VEGFC: variants seen among roughly 807,000 people sequenced by gnomAD.
VEGFC encodes FLT4 ligand DHM.
Under a neutral mutation model 46.1 loss-of-function variants are expected in VEGFC, and 12 were observed. The ratio of observed to expected loss-of-function variants is 0.26; its 90% CI spans 0.17 to 0.42. The LOEUF (loss-of-function observed/expected upper bound fraction) is 0.42, where lower values mean the gene tolerates loss of function less well. Among genes scored for constraint, VEGFC ranks in the 10% least tolerant of loss-of-function variants. The pLI, the probability that VEGFC is intolerant of heterozygous loss-of-function variation, is 1.00. For missense variants in VEGFC, 488 were observed against 529.4 expected, an observed-to-expected ratio of 0.92 and a Z score of 0.77; for synonymous variants, 232 against 195.5, an observed-to-expected ratio of 1.19 and a Z score of -1.56.
chr4:176,717,729 A>C (rs1579103480), intron 3 of VEGFC, among the ~76,000 whole-genome samples: 1 of 152,196 alleles, frequency 6.6e-6, no homozygotes, highest in South Asian at 2.1e-4. Context: ...AATATTCCAA[A>C]CTTTAGTCCA....
At chr4:176,791,228 A>G (rs1416374328) in intron 1 of VEGFC, among the ~76,000 whole-genome samples, 5 of 152,180 alleles carry the variant, frequency 3.3e-5, no homozygotes, top group Admixed American at 1.3e-4. Context: ...AGTTCCAGCA[A>G]GGGGTACTGC....
chr4:176,753,536 T>C (rs182775811), intron 1 of VEGFC, among the ~76,000 whole-genome samples: 166 of 152,178 alleles, frequency 1.1e-3, no homozygotes, highest in African/African-American at 3.9e-3. Context: ...AGATAGAATA[T>C]TATTTTACCA....
chr4:176,692,505 A>G (rs1440607770), intron 4 of VEGFC, among the ~76,000 whole-genome samples: 1 of 134,676 alleles, frequency 7.4e-6, no homozygotes, highest in Non-Finnish European at 1.5e-5. Flanking sequence ...GATTGCTAGC[A>G]CAGCAGTCTG....
intron 1 of VEGFC, among the ~76,000 whole-genome samples, chr4:176,778,906 T>C (rs908149817): frequency 2.0e-5 from 3 of 152,156 alleles, no homozygotes; most frequent in Non-Finnish European, 4.4e-5. Context: ...ATAAATCAGT[T>C]TGACAAAATT....
chr4:176,688,480 C>T lies in VEGFC; in HGVS notation c.705-553G>A, dbSNP rs549807864. On this transcript the variant is annotated intron_variant, in intron 4 of 6. Transcript: ENST00000618562. ...CTGACTTATTTCTGAAGCACAGATC[C>T]CCATCTTGTAAAGCCTCCAGAAATG... Among the ~76,000 whole-genome samples, 119 of 152,142 alleles carry T rather than the reference C, an allele frequency of 7.8e-4. 3 individuals carry two copies. The highest frequency in any genetic ancestry group is 1.9e-4 in the Non-Finnish European group (13 of 68,000).
At chr4:176,740,377 G>T (rs1282983335) in intron 1 of VEGFC, among the ~76,000 whole-genome samples, 3 of 113,028 alleles carry the variant, frequency 2.7e-5, no homozygotes, top group Admixed American at 2.1e-4. Flanking sequence ...TCTATATATA[G>T]TTATATATAA....
intron 3 of VEGFC, among the ~76,000 whole-genome samples, chr4:176,722,121 CAATAG>C (rs1194898280): frequency 6.6e-6 from 1 of 150,876 alleles, no homozygotes; most frequent in Non-Finnish European, 1.5e-5. Flanking sequence ...TATAGCCCAC[CAATAG>C]GATAGAAAAA....
chr4:176,709,152 A>G (rs1291992532), intron 4 of VEGFC, among the ~76,000 whole-genome samples: 1 of 152,166 alleles, frequency 6.6e-6, no homozygotes, highest in East Asian at 1.9e-4. Flanking sequence ...ACATCCAGGA[A>G]ATGAGTCATT....
chr4:176,715,798 G>A (rs531342085), intron 3 of VEGFC, among the ~76,000 whole-genome samples: 10 of 152,206 alleles, frequency 6.6e-5, no homozygotes, highest in South Asian at 4.1e-4. Context: ...AATTAGAAGT[G>A]CATTATAAAC....
At chr4:176,716,113 T>C (rs145456751) in intron 3 of VEGFC, among the ~76,000 whole-genome samples, 185 of 152,286 alleles carry the variant, frequency 1.2e-3, no homozygotes, top group Middle Eastern at 6.8e-3. Flanking sequence ...AGCCAAGATT[T>C]AGTTAAATTT....
rs537675204 is a variant in VEGFC at position 176,743,352 on chromosome 4, C to A, written c.148-13606G>T. Among the ~76,000 whole-genome samples, 25 of 151,714 alleles carry A rather than the reference C, an allele frequency of 1.6e-4. No individual in the cohort carries two copies. The East Asian group carries it at 4.9e-3, about 30-fold the overall frequency. ...AGTGTGTATGGAGGTATTTGATATG[C>A]CCTGTTAATTAATAAAAACTGAAAT... On this transcript the variant is annotated intron_variant, in intron 1 of 6. Coordinates refer to ENST00000618562, the MANE Select transcript of VEGFC (RefSeq NM_005429.5).
At chr4:176,757,580 T>TA (rs1251466057) in intron 1 of VEGFC, among the ~76,000 whole-genome samples, 2 of 129,010 alleles carry the variant, frequency 1.6e-5, no homozygotes, top group Non-Finnish European at 3.3e-5. Context: ...TTACCAGGGC[T>TA]AAAAAACTTT....
chr4:176,759,394 T>C (rs1560957803), intron 1 of VEGFC, among the ~76,000 whole-genome samples: 1 of 152,130 alleles, frequency 6.6e-6, no homozygotes, highest in East Asian at 1.9e-4. Context: ...ATGATCACGC[T>C]TAAATGTAGA....
intron 1 of VEGFC, among the ~76,000 whole-genome samples, chr4:176,734,455 A>G (rs1021254883): frequency 6.6e-6 from 1 of 151,880 alleles, no homozygotes; most frequent in Non-Finnish European, 1.5e-5. Context: ...ACAAGTGCTC[A>G]GCAAACAGAC....
chr4:176,687,630 T>G (rs529422273), intron 5 of VEGFC, 110 bp from the exon 6 acceptor site: 11 of 1,163,050 alleles, frequency 9.5e-6, no homozygotes, highest in Non-Finnish European at 1.2e-5. Flanking sequence ...ATCAAAGGAT[T>G]GGGTACAAAC....
intron 2 of VEGFC, among the ~76,000 whole-genome samples, chr4:176,729,331 T>C (rs1188811351): frequency 6.6e-6 from 1 of 152,222 alleles, no homozygotes; most frequent in African/African-American, 2.4e-5. Flanking sequence ...TGGACCTATC[T>C]ATCCTGTATT....
chr4:176,720,633 G>C (rs1347719492), intron 3 of VEGFC, among the ~76,000 whole-genome samples: 1 of 151,874 alleles, frequency 6.6e-6, no homozygotes, highest in Non-Finnish European at 1.5e-5. Context: ...GAGGTCAGGA[G>C]TTTCTAGACC....
intron 2 of VEGFC, 108 bp downstream of exon 2, chr4:176,729,425 C>G (rs1251604074): frequency 5.8e-6 from 5 of 859,636 alleles, no homozygotes; most frequent in African/African-American, 1.7e-5. Flanking sequence ...TGCTTTCCGC[C>G]CTAAAGGTGT....
At chr4:176,778,004 T>C (rs1005284249) in intron 1 of VEGFC, among the ~76,000 whole-genome samples, 1 of 150,228 alleles carries the variant, frequency 6.7e-6, no homozygotes, top group East Asian at 2.0e-4. Context: ...TGCCTAAATA[T>C]ATGGTTCTTC....
Sources: allele counts gnomAD v4.1 joint callset (sites outside exome capture counted in the v4.1 genomes callset), GRCh38; gene constraint gnomAD v4.1.1; transcripts MANE v1.5; gene names NCBI Gene and HGNC (gene_info 2026-07-23, HGNC 2026-07-21).